The following COLQ variants were observed in gnomAD, a reference collection of about 807,000 sequenced individuals.
COLQ encodes the protein collagen like tail subunit of asymmetric acetylcholinesterase.
In COLQ, 48 loss-of-function variants were observed where a neutral mutation model predicts 69.0. The observed-to-expected ratio is 0.70, with a 90% CI of 0.55 to 0.88. The LOEUF is 0.88. Among genes scored for constraint, COLQ ranks in the 40% least tolerant of loss-of-function variants. The pLI is 0.00. For synonymous variants in COLQ, 217 were observed against 211.2 expected, an observed-to-expected ratio of 1.03 and a Z score of -0.24; for missense variants, 618 against 594.6, an observed-to-expected ratio of 1.04 and a Z score of -0.41.
At chr3:15,452,068 AT>A (rs10589288) in intron 16 of COLQ, among the ~76,000 whole-genome samples, 11,446 of 142,912 alleles carry the variant, frequency 0.08, 747 homozygotes, top group African/African-American at 0.2. Context: ...GAATAACTGC[AT>A]TTTTTTTTTT....
At chr3:15,468,321 GTTTTTTT>G (rs540716062) in intron 11 of COLQ, among the ~76,000 whole-genome samples, 4 of 71,258 alleles carry the variant, frequency 5.6e-5, no homozygotes, top group African/African-American at 2.2e-4. Context: ...AGTTACTGAA[GTTTTTTT>G]TTTTTTTTTT....
chr3:15,465,231 T>TATTTATTTATTTA (rs1490472718), intron 12 of COLQ, among the ~76,000 whole-genome samples: 4 of 106,986 alleles, frequency 3.7e-5, no homozygotes, highest in African/African-American at 1.1e-4. Context: ...AGACTTTATA[T>TATTTATTTATTTA]TTTGATTTAT....
At chr3:15,469,525 G>A (rs920805889) in intron 11 of COLQ, among the ~76,000 whole-genome samples, 5 of 152,104 alleles carry the variant, frequency 3.3e-5, no homozygotes, top group Admixed American at 2.0e-4. Flanking sequence ...TTGTAACTTC[G>A]AAAGTTACTG....
chr3:15,498,065 C>T (rs922096454), intron 1 of COLQ, among the ~76,000 whole-genome samples: 2 of 152,166 alleles, frequency 1.3e-5, no homozygotes, highest in African/African-American at 2.4e-5. Flanking sequence ...GCCAAATTAC[C>T]CAAGGCAGTC....
chr3:15,492,784 C>G (rs1433412781), intron 1 of COLQ, among the ~76,000 whole-genome samples: 1 of 152,208 alleles, frequency 6.6e-6, no homozygotes. Flanking sequence ...ACAATTCTAT[C>G]CCACCCTTTG....
chr3:15,455,520 T>C (rs924380820), intron 15 of COLQ, among the ~76,000 whole-genome samples: 3 of 152,224 alleles, frequency 2.0e-5, no homozygotes, highest in Non-Finnish European at 4.4e-5. Flanking sequence ...TTCAGATTCT[T>C]GGCCTCTCCC....
chr3:15,519,450 C>T (rs141904306), intron 1 of COLQ, among the ~76,000 whole-genome samples: 8 of 152,358 alleles, frequency 5.3e-5, no homozygotes, highest in African/African-American at 1.2e-4. Flanking sequence ...GACCAATGCT[C>T]TTGCTTAATG....
chr3:15,486,278 G>T (rs1180632362), intron 3 of COLQ, among the ~76,000 whole-genome samples: 1 of 152,188 alleles, frequency 6.6e-6, no homozygotes, highest in Non-Finnish European at 1.5e-5. Flanking sequence ...TGGAGGGGTG[G>T]TATCTTGTTA....
intron 1 of COLQ, among the ~76,000 whole-genome samples, chr3:15,515,123 A>G (rs1164526336): frequency 6.6e-6 from 1 of 152,142 alleles, no homozygotes; most frequent in Non-Finnish European, 1.5e-5. Context: ...TTAGGACTGG[A>G]TAAGTTCTCA....
In COLQ at chr3:15,451,427, T is replaced by C. The variant is rs1268014048; in HGVS notation, c.*217A>G. ...GGGAACAGGTCTCAGGTTGGGCATG[T>C]GGAAGGTTTTCCAGTACCTTGGATT... is the stretch of plus-strand genomic sequence containing the variant. On this transcript the variant is annotated 3_prime_UTR_variant, in exon 17 of 17. Coordinates refer to ENST00000383788, the MANE Select transcript of COLQ (RefSeq NM_005677.4). The C allele has an allele frequency of 1.8e-5, 12 of 681,992 alleles. No homozygotes were observed. In the East Asian group the frequency reaches 2.8e-4, roughly 16 times the overall value. The allele number at this position is 681,992 out of a possible 1,614,324, so 42.2% of individuals were successfully genotyped here.
At chr3:15,520,316 ACCT>A (rs2063119418) in intron 1 of COLQ, among the ~76,000 whole-genome samples, 1 of 151,792 alleles carries the variant, frequency 6.6e-6, no homozygotes, top group Non-Finnish European at 1.5e-5. Context: ...ATCTGCCCCC[ACCT>A]CCTTCTGTTT....
Position 15,455,966 on chromosome 3 carries a change from C to T in COLQ, c.1128G>A (p.Gly376=). The change falls in exon 15 of 17, where the codon GGG becomes GGA. Residue 376 remains glycine (G), a synonymous_variant. Transcript: ENST00000383788. ...CCTCCCCAGGCTGCAGGAGCCCATCCCCACAGGTGCCGTGCTGGTCTGCAG... is the reference window on the plus strand; with the variant it reads ...CCTCCCCAGGCTGCAGGAGCCCATCTCCACAGGTGCCGTGCTGGTCTGCAG... The part of the protein sequence containing the change: ...DYTADQHGTC[G]DGLLQPGEEC... 1.2e-6 allele frequency: 2 copies of T among 1,613,756 alleles called. No individual in the cohort carries two copies. Among genetic ancestry groups the T allele is most frequent in the African/African-American group, 1.3e-5 (1 of 74,914 alleles).
At chr3:15,471,799 GTTAT>G (rs1255274609) in intron 10 of COLQ, among the ~76,000 whole-genome samples, 1 of 152,158 alleles carries the variant, frequency 6.6e-6, no homozygotes, top group Non-Finnish European at 1.5e-5. Flanking sequence ...CCTTAAATCT[GTTAT>G]TTCTTTCCAA....
intron 12 of COLQ, among the ~76,000 whole-genome samples, chr3:15,461,486 T>C (rs898503679): frequency 3.9e-5 from 6 of 152,106 alleles, no homozygotes; most frequent in African/African-American, 1.2e-4. Context: ...CTCAGCTGGG[T>C]TTCATCGCCA....
In COLQ at chr3:15,466,372, G is replaced by T. The variant is rs745798750; in HGVS notation, c.783C>A (p.Gly261=). The T allele has an allele frequency of 8.1e-6, 13 of 1,614,112 alleles. No individual in the cohort carries two copies. In the South Asian group the frequency reaches 1.4e-4, roughly 18 times the overall value. ...PGKPGPSGQP[G]RPGPPGPPPA... is the part of the protein sequence containing the mutation. ...GTGGGGGGCCTGGGGGCCCCGGACG[G>T]CCAGGTTGACCAGAAGGCCCAGGCT... is the stretch of plus-strand genomic sequence containing the variant. Residue 261 remains glycine, a synonymous_variant, in exon 12 of 17, where the codon GGC becomes GGA. Coordinates refer to ENST00000383788, the MANE Select transcript of COLQ (RefSeq NM_005677.4).
At chr3:15,509,761 T>A (rs1036140145) in intron 1 of COLQ, among the ~76,000 whole-genome samples, 1 of 152,080 alleles carries the variant, frequency 6.6e-6, no homozygotes, top group Non-Finnish European at 1.5e-5. Flanking sequence ...TCCTGTGGAG[T>A]TGGGATTCTG....
At chr3:15,508,557 T>C (rs759324986) in intron 1 of COLQ, among the ~76,000 whole-genome samples, 10 of 152,186 alleles carry the variant, frequency 6.6e-5, no homozygotes, top group Non-Finnish European at 1.3e-4. Flanking sequence ...TCAAATGCTA[T>C]GTATATTAAG....
At chr3:15,499,760 A>G (rs1043978777) in intron 1 of COLQ, among the ~76,000 whole-genome samples, 2 of 152,252 alleles carry the variant, frequency 1.3e-5, no homozygotes, top group Non-Finnish European at 2.9e-5. Flanking sequence ...TGTCACGGGA[A>G]GAGTACTGGC....
At chr3:15,455,554 A>C (rs2125084682) in intron 15 of COLQ, among the ~76,000 whole-genome samples, 1 of 152,288 alleles carries the variant, frequency 6.6e-6, no homozygotes, top group South Asian at 2.1e-4. Flanking sequence ...TACTCCATGC[A>C]AAGTGAGAGC....
Sources: allele counts gnomAD v4.1 joint callset (sites outside exome capture counted in the v4.1 genomes callset), GRCh38; gene constraint gnomAD v4.1.1; transcripts MANE v1.5; gene names NCBI Gene and HGNC (gene_info 2026-07-23, HGNC 2026-07-21).